ENTHD1: variants seen among roughly 807,000 people sequenced by gnomAD.
The protein encoded by ENTHD1 is ENTH domain containing 1.
A neutral mutation model predicts 39.1 loss-of-function variants in ENTHD1; 23 were observed. That is an observed-to-expected ratio of 0.59 (90% CI 0.42 to 0.83). The LOEUF is 0.83. Ranked by LOEUF, ENTHD1 falls within the 40% of genes least tolerant of loss-of-function variation. ENTHD1 has a pLI of 0.00. For synonymous variants in ENTHD1, 230 were observed against 258.2 expected (o/e 0.89, Z 1.05); for missense variants, 624 against 705.4 (o/e 0.88, Z 1.31).
intron 6 of ENTHD1, among the ~76,000 whole-genome samples, chr22:39,759,693 C>T (rs558783691): frequency 2.2e-4 from 33 of 152,016 alleles, no homozygotes; most frequent in African/African-American, 7.2e-4. Context: ...TTCTTCCTTT[C>T]TCATATAAGC....
rs145714275 is a variant in ENTHD1, at chr22:39,852,840, G to A, written c.592+8925C>T. On this transcript the variant is annotated intron_variant, in intron 3 of 6. Transcript: ENST00000325157. ...ATATGACACATGACTATTCTGAGAT[G>A]TTAACAGTGGTCGGTTTAGGGTGGT... Among the ~76,000 whole-genome samples, 32 of 152,258 alleles carry A rather than the reference G, an allele frequency of 2.1e-4. No homozygotes were observed. The East Asian group carries it at 5.6e-3, about 27-fold the overall frequency.
chr22:39,754,261 C>A (rs1294616293), intron 6 of ENTHD1, among the ~76,000 whole-genome samples: 1 of 152,158 alleles, frequency 6.6e-6, no homozygotes, highest in African/African-American at 2.4e-5. Context: ...CTGTAGTTTG[C>A]CACCCACTGC....
At chr22:39,862,776 A>G (rs958012888) in intron 2 of ENTHD1, among the ~76,000 whole-genome samples, 2 of 152,312 alleles carry the variant, frequency 1.3e-5, no homozygotes, top group South Asian at 4.1e-4. Context: ...AGATAAAGAA[A>G]TACATACAAC....
At chr22:39,875,803 C>G (rs2066284335) in intron 2 of ENTHD1, 1 of 1,613,302 alleles carries the variant, frequency 6.2e-7, no homozygotes, top group African/African-American at 1.3e-5. Context: ...AATGGAGAGG[C>G]AAACCCCTGT....
intron 5 of ENTHD1, among the ~76,000 whole-genome samples, chr22:39,789,127 A>C (rs901463341): frequency 2.0e-5 from 3 of 152,138 alleles, no homozygotes; most frequent in Non-Finnish European, 4.4e-5. Context: ...CCATCTACTG[A>C]TGGACAGCTA....
intron 3 of ENTHD1, among the ~76,000 whole-genome samples, chr22:39,845,860 T>C (rs1470816748): frequency 6.6e-6 from 1 of 152,170 alleles, no homozygotes; most frequent in Non-Finnish European, 1.5e-5. Flanking sequence ...TTGGAAAATT[T>C]TCCCATTTTG....
At position 39,879,048 on chromosome 22, in the gene ENTHD1, CA is replaced by C. The variant is rs572936412; in HGVS notation, c.349+8351del. ...GCCACAGACTGGGAGAAAATATTTG[CA>C]AAAAAAAATGAGACGAAGGAGTGTT... On this transcript the variant is annotated intron_variant, in intron 2 of 6. Transcript: ENST00000325157. 4.1e-5 allele frequency among the ~76,000 whole-genome samples: 6 copies of C among 145,958 alleles called. No homozygotes were observed. The East Asian group carries it at 9.9e-4, about 24-fold the overall frequency.
chr22:39,786,423 C>T (rs1395181204), intron 5 of ENTHD1, among the ~76,000 whole-genome samples: 1 of 151,990 alleles, frequency 6.6e-6, no homozygotes, highest in African/African-American at 2.4e-5. Flanking sequence ...TATTACAATA[C>T]ATTTTTACTT....
At chr22:39,755,551 T>TCTTTGCTTGGTTACAATTCTGCATCATTC (rs2146540605) in intron 6 of ENTHD1, among the ~76,000 whole-genome samples, 1 of 152,290 alleles carries the variant, frequency 6.6e-6, no homozygotes, top group South Asian at 2.1e-4. Flanking sequence ...CCCCAGAATC[T>TCTTTGCTTGGTTACAATTCTGCATCATTC]CTTTGCTTGG....
intron 2 of ENTHD1, among the ~76,000 whole-genome samples, chr22:39,877,171 A>G (rs2066298152): frequency 6.6e-6 from 1 of 152,196 alleles, no homozygotes; most frequent in African/African-American, 2.4e-5. Flanking sequence ...GATAAAAGAG[A>G]CTGACCCAGC....
chr22:39,767,140 A>G (rs536042186), intron 5 of ENTHD1, among the ~76,000 whole-genome samples: 21 of 152,322 alleles, frequency 1.4e-4, no homozygotes, highest in African/African-American at 5.1e-4. Flanking sequence ...GACAGGTTCA[A>G]TGAATGCTCA....
chr22:39,748,617 G>A (rs2065125735), intron 6 of ENTHD1, among the ~76,000 whole-genome samples: 1 of 151,864 alleles, frequency 6.6e-6, no homozygotes, highest in Admixed American at 6.6e-5. Flanking sequence ...TAGAGACGGG[G>A]TTTCACTGTG....
chr22:39,852,435 A>G (rs970236083), intron 3 of ENTHD1, among the ~76,000 whole-genome samples: 1 of 152,244 alleles, frequency 6.6e-6, no homozygotes, highest in African/African-American at 2.4e-5. Flanking sequence ...TGTTTTTACA[A>G]GAGTATAATG....
rs554442772 is a variant in ENTHD1, at chr22:39,862,229, T to G, written c.350-222A>C. ...TATACTGGCATTACATTTTTCACTT[T>G]AAATACATTATTGGATTTTCCTTTT... On this transcript the variant is annotated intron_variant, in intron 2 of 6. Coordinates refer to ENST00000325157, the MANE Select transcript of ENTHD1 (RefSeq NM_152512.4). Among the ~76,000 whole-genome samples, 3 of 152,292 alleles carry G rather than the reference T, an allele frequency of 2.0e-5. No individual in the cohort carries two copies. In the South Asian group the frequency reaches 6.2e-4, roughly 32 times the overall value.
At chr22:39,859,977 C>T (rs554702018) in intron 3 of ENTHD1, among the ~76,000 whole-genome samples, 1 of 152,248 alleles carries the variant, frequency 6.6e-6, no homozygotes, top group East Asian at 1.9e-4. Flanking sequence ...AGATTCACTT[C>T]CTCCAAAAGG....
intron 3 of ENTHD1, among the ~76,000 whole-genome samples, chr22:39,844,411 A>C (rs1024310891): frequency 3.3e-5 from 5 of 152,262 alleles, no homozygotes; most frequent in South Asian, 4.1e-4. Flanking sequence ...GAAACAGGGA[A>C]ATTCACAAAC....
intron 5 of ENTHD1, among the ~76,000 whole-genome samples, chr22:39,805,494 A>G (rs1215804662): frequency 6.6e-6 from 1 of 152,216 alleles, no homozygotes; most frequent in Non-Finnish European, 1.5e-5. Context: ...TAACTGTGCT[A>G]AGCAGGGCAG....
rs1316955269 is a variant in ENTHD1 at position 39,842,383 on chromosome 22, G to A, written c.593-6425C>T. Reference sequence around the variant, plus strand: ...TCACTTTCAGGTACACCAATCAGACGTAGATTTGGTCTTTTCACATAGTCC... The same window carrying A: ...TCACTTTCAGGTACACCAATCAGACATAGATTTGGTCTTTTCACATAGTCC... On this transcript the variant is annotated intron_variant, in intron 3 of 6. Coordinates refer to ENST00000325157, the MANE Select transcript of ENTHD1 (RefSeq NM_152512.4). Among the ~76,000 whole-genome samples, 38 of 151,938 alleles carry A rather than the reference G, an allele frequency of 2.5e-4. No homozygotes were observed. In the South Asian group the frequency reaches 6.3e-3, roughly 25 times the overall value.
chr22:39,759,991 C>A (rs1046715028), intron 6 of ENTHD1, among the ~76,000 whole-genome samples: 1 of 151,314 alleles, frequency 6.6e-6, no homozygotes, highest in East Asian at 1.9e-4. Flanking sequence ...TGTTTTCATA[C>A]CGCACTTTAT....
Sources: allele counts gnomAD v4.1 joint callset (sites outside exome capture counted in the v4.1 genomes callset), GRCh38; gene constraint gnomAD v4.1.1; transcripts MANE v1.5; gene names NCBI Gene and HGNC (gene_info 2026-07-23, HGNC 2026-07-21).